ZNF362: variants seen among roughly 807,000 people sequenced by gnomAD.
The protein encoded by ZNF362 is rotund homolog.
A neutral mutation model predicts 42.9 loss-of-function variants in ZNF362; 11 were observed. The ratio of observed to expected loss-of-function variants is 0.26; its 90% CI spans 0.16 to 0.42. ZNF362 has a LOEUF of 0.42. Ranked by LOEUF, ZNF362 falls within the 20% of genes least tolerant of loss-of-function variation. The pLI, the probability that ZNF362 is intolerant of heterozygous loss-of-function variation, is 1.00. For missense variants in ZNF362, 362 were observed against 576.2 expected (o/e 0.63, Z 3.81); for synonymous variants, 255 against 257.3 (o/e 0.99, Z 0.09).
the ZNF362 span, among the ~76,000 whole-genome samples, chr1:33,236,546 A>ATATAT: frequency 2.6e-3 from 19 of 7,280 alleles, 1 homozygote; most frequent in African/African-American, 3.8e-3. Context: ...AAAAAAAAAA[A>ATATAT]AAAAATATAT....
At chr1:33,274,020 C>T (rs368711453) in intron 2 of ZNF362, among the ~76,000 whole-genome samples, 14 of 152,186 alleles carry the variant, frequency 9.2e-5, no homozygotes, top group African/African-American at 3.1e-4. Flanking sequence ...GCCTCCTTAC[C>T]CTGGCTTTAC....
At chr1:33,236,763 T>C in the ZNF362 span, among the ~76,000 whole-genome samples, 1 of 151,388 alleles carries the variant, frequency 6.6e-6, no homozygotes, top group Non-Finnish European at 1.5e-5. Flanking sequence ...ATTTAATCAT[T>C]CTACTATGTA....
chr1:33,276,703 G>C, intron 4 of ZNF362, 109 bp downstream of exon 4: 2 of 1,245,782 alleles, frequency 1.6e-6, no homozygotes, highest in Non-Finnish European at 2.0e-6. Flanking sequence ...GAGCAGGGCG[G>C]GCAGGGCCTA....
the ZNF362 span, among the ~76,000 whole-genome samples, chr1:33,221,574 C>T: frequency 1.3e-5 from 2 of 152,192 alleles, no homozygotes; most frequent in South Asian, 2.1e-4. Flanking sequence ...TCACAGCTTG[C>T]GCAAGTATAT....
chr1:33,294,849 G>C lies in ZNF362; in HGVS notation c.909-88G>C. ...GCATGGGCAGGGTAGGGACCGAGAG[G>C]CTTAGGGGCCAGAGTAAGGACTTGG... On this transcript the variant is annotated intron_variant, in intron 6 of 8. Transcript: ENST00000539719. This position sits in a 1 kb window ranked among gnomAD's most constrained non-coding sequence, Gnocchi z 4.2. 6.8e-7 allele frequency: 1 copy of C among 1,466,652 alleles called. No individual in the cohort carries two copies. Among genetic ancestry groups the C allele is most frequent in the South Asian group, 1.2e-5 (1 of 86,104 alleles). The allele number at this position is 1,466,652 out of a possible 1,614,324, so 90.9% of individuals were successfully genotyped here.
At chr1:33,276,683 G>A (rs897437931) in intron 4 of ZNF362, 89 bp downstream of exon 4, 35 of 1,278,346 alleles carry the variant, frequency 2.7e-5, no homozygotes, top group Middle Eastern at 3.0e-4. Flanking sequence ...GATGGGACCC[G>A]GCTAGGTAAG....
chr1:33,284,886 A>C (rs891023605), intron 6 of ZNF362, among the ~76,000 whole-genome samples: 2 of 152,186 alleles, frequency 1.3e-5, no homozygotes, highest in Admixed American at 6.5e-5. Context: ...CTTGGAGCCT[A>C]CCTTGGCCTC....
the ZNF362 span, among the ~76,000 whole-genome samples, chr1:33,217,095 G>A: frequency 6.6e-6 from 1 of 152,124 alleles, no homozygotes; most frequent in Non-Finnish European, 1.5e-5. Flanking sequence ...CAGGCACGTG[G>A]CACAAAGATG....
the ZNF362 span, among the ~76,000 whole-genome samples, chr1:33,218,542 A>T: frequency 6.6e-6 from 1 of 152,212 alleles, no homozygotes; most frequent in Non-Finnish European, 1.5e-5. Flanking sequence ...TCTTTCTAAA[A>T]GAAGGCATTG....
At chr1:33,261,519 T>C (rs1264335778) in intron 1 of ZNF362, 1 of 152,142 alleles carries the variant, frequency 6.6e-6, no homozygotes, top group Non-Finnish European at 1.5e-5. Flanking sequence ...AATGTAAGAA[T>C]GAATAAATTG....
At chr1:33,241,122 G>C in the ZNF362 span, among the ~76,000 whole-genome samples, 3 of 148,686 alleles carry the variant, frequency 2.0e-5, no homozygotes, top group African/African-American at 7.4e-5. Flanking sequence ...TCCTTTTCAA[G>C]TGTGAAGTTT....
the ZNF362 span, among the ~76,000 whole-genome samples, chr1:33,138,215 A>G: frequency 6.6e-6 from 1 of 152,182 alleles, no homozygotes; most frequent in Non-Finnish European, 1.5e-5. Context: ...GGGGGTTAGG[A>G]AAAGTAGGCT....
At position 33,295,282 on chromosome 1, in the gene ZNF362, A is replaced by G. The variant is rs772810509; in HGVS notation, c.1123A>G (p.Met375Val). 2.5e-6 allele frequency: 4 copies of G among 1,614,032 alleles called. No individual in the cohort carries two copies. The Admixed American group carries it at 6.7e-5, about 27-fold the overall frequency. The stretch of plus-strand genomic sequence containing the variant: ...GCACGCCAAGGCCTACTGCTGCAGC[A>G]TGTGTGGGCGGGCCTACACCTCGGT... Reference protein sequence around the residue: ...IKHAKAYCCSMCGRAYTSETY... With the variant: ...IKHAKAYCCSVCGRAYTSETY... Residue 375 changes from methionine (M) to valine (V), a missense_variant, in exon 8 of 9, where the codon ATG (methionine) becomes GTG (valine). Coordinates refer to ENST00000539719, the MANE Select transcript of ZNF362 (RefSeq NM_152493.3).
the ZNF362 span, among the ~76,000 whole-genome samples, chr1:33,154,871 A>G: frequency 6.6e-6 from 1 of 151,874 alleles, no homozygotes; most frequent in Non-Finnish European, 1.5e-5. Context: ...AGACGGGCAG[A>G]ACATGAGGTC....
the ZNF362 span, among the ~76,000 whole-genome samples, chr1:33,216,830 G>T: frequency 2.0e-5 from 3 of 151,886 alleles, no homozygotes; most frequent in Non-Finnish European, 4.4e-5. Context: ...CCCTGTGCAG[G>T]TGGCTGGAGG....
chr1:33,213,706 G>A, the ZNF362 span, among the ~76,000 whole-genome samples: 23 of 152,098 alleles, frequency 1.5e-4, no homozygotes, highest in South Asian at 2.9e-3. Flanking sequence ...TTAACTGGGC[G>A]TGGTGGCATG....
chr1:33,250,313 G>C, the ZNF362 span, among the ~76,000 whole-genome samples: 1 of 152,142 alleles, frequency 6.6e-6, no homozygotes, highest in African/African-American at 2.4e-5. Context: ...CATGTGTTCA[G>C]TAGCAAAGAC....
chr1:33,254,417 G>A (rs561325802), upstream of ZNF362, among the ~76,000 whole-genome samples: 78 of 152,214 alleles, frequency 5.1e-4, no homozygotes, highest in Non-Finnish European at 8.4e-4. Context: ...CACTGCACCC[G>A]GCCGTGTCTT....
At chr1:33,128,213 A>G in the ZNF362 span, among the ~76,000 whole-genome samples, 1 of 151,204 alleles carries the variant, frequency 6.6e-6, no homozygotes, top group Admixed American at 6.6e-5. Context: ...CAAAAAAAAA[A>G]AAAAAAAAAA....
Sources: allele counts gnomAD v4.1 joint callset (sites outside exome capture counted in the v4.1 genomes callset), GRCh38; gene constraint gnomAD v4.1.1; non-coding constraint Gnocchi (gnomAD v3.1); transcripts MANE v1.5; gene names NCBI Gene and HGNC (gene_info 2026-07-23, HGNC 2026-07-21).